The following MAPK10 variants were observed in gnomAD, a reference collection of about 807,000 sequenced individuals.
MAPK10 encodes JNK3 alpha protein kinase.
MAPK10 carries 25 observed loss-of-function variants against 59.3 expected under a neutral mutation model. The observed-to-expected ratio is 0.42, with a 90% CI of 0.31 to 0.59. The LOEUF (loss-of-function observed/expected upper bound fraction) is 0.59. Ranked by LOEUF, MAPK10 falls within the 20% of genes least tolerant of loss-of-function variation. The probability of loss-of-function intolerance (pLI) is 0.15; values close to 1 mark genes in which losing one functional copy is unlikely to be tolerated. For synonymous variants in MAPK10, 190 were observed against 200.5 expected (o/e 0.95, Z 0.44); for missense variants, 351 against 568.9 (o/e 0.62, Z 3.90).
intron 2 of MAPK10, among the ~76,000 whole-genome samples, chr4:86,197,349 A>AT (rs1315023292): frequency 6.6e-6 from 1 of 152,070 alleles, no homozygotes; most frequent in East Asian, 1.9e-4. Flanking sequence ...TTCACTCATG[A>AT]TTTGGCTCTC....
chr4:86,508,169 C>T (rs1369903247), intron 1 of MAPK10, among the ~76,000 whole-genome samples: 1 of 151,904 alleles, frequency 6.6e-6, no homozygotes, highest in Non-Finnish European at 1.5e-5. Flanking sequence ...TTTAGAGAAT[C>T]TTCCTCTCTG....
intron 1 of MAPK10, among the ~76,000 whole-genome samples, chr4:86,573,743 T>C (rs1012360920): frequency 6.6e-6 from 1 of 152,220 alleles, no homozygotes; most frequent in Non-Finnish European, 1.5e-5. Flanking sequence ...CTTATTAAGT[T>C]TTCTCTCATT....
At chr4:86,081,356 T>C (rs1464630029) in intron 9 of MAPK10, 2 of 152,024 alleles carry the variant, frequency 1.3e-5, no homozygotes, top group East Asian at 1.9e-4. Context: ...AACATATAAA[T>C]TATAGGAAAA....
At chr4:86,284,971 C>T (rs531559404) in intron 2 of MAPK10, among the ~76,000 whole-genome samples, 1 of 152,300 alleles carries the variant, frequency 6.6e-6, no homozygotes, top group Admixed American at 6.5e-5. Context: ...GAGGACTATC[C>T]ATTGCCTTTT....
chr4:86,209,174 A>G (rs1487244148), intron 2 of MAPK10, among the ~76,000 whole-genome samples: 3 of 152,128 alleles, frequency 2.0e-5, no homozygotes, highest in African/African-American at 7.2e-5. Context: ...ACAACCTACC[A>G]TGAGAGAAAT....
chr4:86,279,819 G>A (rs1054683295), intron 2 of MAPK10, among the ~76,000 whole-genome samples: 3 of 152,184 alleles, frequency 2.0e-5, no homozygotes, highest in African/African-American at 7.2e-5. Context: ...CTCCCCGCAA[G>A]TGGAAATCAG....
At chr4:86,554,484 C>G (rs1380703638) in intron 1 of MAPK10, among the ~76,000 whole-genome samples, 1 of 152,128 alleles carries the variant, frequency 6.6e-6, no homozygotes. Flanking sequence ...AATCAACATC[C>G]TCAAGTTTCC....
intron 2 of MAPK10, among the ~76,000 whole-genome samples, chr4:86,324,659 ATC>A (rs2095981023): frequency 2.0e-5 from 3 of 152,216 alleles, no homozygotes; most frequent in Non-Finnish European, 4.4e-5. Context: ...AATATCTTCT[ATC>A]TCTATAAACC....
At chr4:86,153,855 G>T (rs1267356136) in intron 4 of MAPK10, among the ~76,000 whole-genome samples, 1 of 152,078 alleles carries the variant, frequency 6.6e-6, no homozygotes, top group Non-Finnish European at 1.5e-5. Flanking sequence ...ATATATAAAA[G>T]ACAGTATTTT....
chr4:86,507,615 GATATATATATATATATATATATAT>G lies in MAPK10; in HGVS notation c.-263+86271_-263+86294del, dbSNP rs767683551. Reference sequence around the variant, plus strand: ...TTACTATTAAAAAGAATAAACTGGAGATATATATATATATATATATATATATATATATATATATATATATATATA... The same window carrying G: ...TTACTATTAAAAAGAATAAACTGGAGATATATATATATATATATATATATA... On this transcript the variant is annotated intron_variant, in intron 1 of 4. Transcript: ENST00000502302. 3.5e-3 allele frequency among the ~76,000 whole-genome samples: 126 copies of G among 35,650 alleles called. 7 individuals carry two copies. The highest frequency in any genetic ancestry group is 0.014 in the Middle Eastern group (1 of 70). The allele number at this position is 35,650 out of a possible 152,430, so 23.4% of individuals were successfully genotyped here. A position where few individuals can be genotyped will look rare whatever the true frequency, so the allele number is the denominator to read the frequency against.
chr4:86,487,478 C>A (rs1293327529), intron 1 of MAPK10, among the ~76,000 whole-genome samples: 2 of 151,672 alleles, frequency 1.3e-5, no homozygotes, highest in Non-Finnish European at 2.9e-5. Flanking sequence ...ACCTGTAATC[C>A]CAGCACTTTG....
intron 3 of MAPK10, among the ~76,000 whole-genome samples, chr4:86,172,579 TG>T (rs2074538955): frequency 8.8e-6 from 1 of 114,186 alleles, no homozygotes. Context: ...TGTTGTGGGG[TG>T]GGGGGAGTGG....
At chr4:86,342,310 AAATGG>A (rs1354241643) in intron 2 of MAPK10, among the ~76,000 whole-genome samples, 1 of 152,244 alleles carries the variant, frequency 6.6e-6, no homozygotes, top group African/African-American at 2.4e-5. Context: ...AGAATAAACA[AAATGG>A]AATGAACTTC....
At chr4:86,542,490 T>C (rs1315776557) in intron 1 of MAPK10, 1 of 153,630 alleles carries the variant, frequency 6.5e-6, no homozygotes, top group African/African-American at 2.4e-5. Context: ...CAGGGATCAC[T>C]TAAGGCCAAG....
intron 1 of MAPK10, among the ~76,000 whole-genome samples, chr4:86,547,790 A>G (rs1759357611): frequency 6.6e-6 from 1 of 152,190 alleles, no homozygotes; most frequent in Admixed American, 6.5e-5. Flanking sequence ...ATCTAGCTCA[A>G]GGTTTGTAAA....
At position 86,354,072 on chromosome 4, in the gene MAPK10, TTTCTC is replaced by T. The variant is rs369229124; in HGVS notation, c.-7+453_-7+457del. Among the ~76,000 whole-genome samples, 32 of 152,260 alleles carry T rather than the reference TTTCTC, an allele frequency of 2.1e-4. 1 individual carries two copies. In the East Asian group the frequency reaches 5.2e-3, roughly 25 times the overall value. ...TGAATTGAGTTTTATAAAACTGTGA[TTTCTC>T]TTCTCTTATTTCAGAAGAGCTAAAT... is the stretch of plus-strand genomic sequence containing the variant. On this transcript the variant is annotated intron_variant, in intron 2 of 13. Transcript: ENST00000641462.
At chr4:86,128,680 C>T (rs2060484836) in intron 4 of MAPK10, among the ~76,000 whole-genome samples, 1 of 151,862 alleles carries the variant, frequency 6.6e-6, no homozygotes, top group Non-Finnish European at 1.5e-5. Flanking sequence ...TGTTGTAGTC[C>T]TTTTTACTAT....
intron 4 of MAPK10, among the ~76,000 whole-genome samples, chr4:86,122,427 T>G (rs1435834748): frequency 6.6e-6 from 1 of 152,158 alleles, no homozygotes; most frequent in Non-Finnish European, 1.5e-5. Flanking sequence ...CTTCCACCTC[T>G]TGGTAGCCAT....
rs367553378 is a variant in MAPK10 at position 86,152,440 on chromosome 4, T to G, written c.236+6858A>C. Reference sequence around the variant, plus strand: ...TGGCTCAATGCTGGATTCATAACTTTGGACATGTAAAGTGAAACTTACTTG... The same window carrying G: ...TGGCTCAATGCTGGATTCATAACTTGGGACATGTAAAGTGAAACTTACTTG... On this transcript the variant is annotated intron_variant, in intron 4 of 13. Transcript: ENST00000641462. 8.5e-5 allele frequency: 13 copies of G among 152,288 alleles called. No homozygotes were observed. In the East Asian group the frequency reaches 2.3e-3, roughly 27 times the overall value. 9.4% of individuals were successfully genotyped at this position (152,288 alleles called of 1,614,324 possible).
Sources: allele counts gnomAD v4.1 joint callset (sites outside exome capture counted in the v4.1 genomes callset), GRCh38; gene constraint gnomAD v4.1.1; transcripts MANE v1.5; gene names NCBI Gene and HGNC (gene_info 2026-07-23, HGNC 2026-07-21).